ELF2: variants seen among roughly 807,000 people sequenced by gnomAD.
The protein encoded by ELF2 is ETS-related transcription factor Elf-2.
In ELF2, 11 loss-of-function variants were observed where a neutral mutation model predicts 54.8. The observed-to-expected ratio is 0.20, with a 90% CI of 0.13 to 0.33. ELF2 has a LOEUF of 0.33. Ranked by LOEUF, ELF2 falls within the 10% of genes least tolerant of loss-of-function variation. The pLI, the probability that ELF2 is intolerant of heterozygous loss-of-function variation, is 1.00. For missense variants in ELF2, 513 were observed against 703.0 expected (o/e 0.73, Z 3.06); for synonymous variants, 203 against 245.1 (o/e 0.83, Z 1.61).
chr4:139,100,314 G>C (rs1386449889), intron 4 of ELF2: 1 of 151,562 alleles, frequency 6.6e-6, no homozygotes, highest in Non-Finnish European at 1.5e-5. Context: ...TATTGTTATT[G>C]TTTCTAGATG....
intron 1 of ELF2, among the ~76,000 whole-genome samples, chr4:139,149,708 A>G (rs1048544326): frequency 2.0e-5 from 3 of 152,364 alleles, no homozygotes; most frequent in African/African-American, 7.2e-5. Flanking sequence ...GAAAGGGTGT[A>G]TATGATTTTT....
At chr4:139,135,955 T>C (rs1237331536) in intron 3 of ELF2, among the ~76,000 whole-genome samples, 2 of 152,236 alleles carry the variant, frequency 1.3e-5, no homozygotes, top group African/African-American at 4.8e-5. Context: ...AAACAAACTG[T>C]TGTCCTCATT....
intron 4 of ELF2, chr4:139,084,211 T>C (rs768430541): frequency 1.2e-6 from 2 of 1,612,892 alleles, no homozygotes; most frequent in Admixed American, 1.7e-5. Context: ...GGGCTGGAGC[T>C]GCTGCTTCAC....
intron 4 of ELF2, chr4:139,084,325 C>G: frequency 1.3e-6 from 2 of 1,563,084 alleles, no homozygotes; most frequent in Non-Finnish European, 1.7e-6. Context: ...GCACACACTC[C>G]GACGCCCGGA....
At chr4:139,143,199 T>G (rs1381192700) in intron 1 of ELF2, among the ~76,000 whole-genome samples, 1 of 152,138 alleles carries the variant, frequency 6.6e-6, no homozygotes, top group Non-Finnish European at 1.5e-5. Flanking sequence ...ATCCCCCAAC[T>G]CGAGGGTAGA....
At chr4:139,136,968 A>G (rs1173710486) in intron 3 of ELF2, 2 of 152,150 alleles carry the variant, frequency 1.3e-5, no homozygotes, top group Admixed American at 1.3e-4. Context: ...ACTGGCCCCA[A>G]TATTCACTCT....
intron 4 of ELF2, among the ~76,000 whole-genome samples, chr4:139,077,674 G>C (rs1292563701): frequency 3.3e-5 from 5 of 151,960 alleles, no homozygotes; most frequent in Admixed American, 6.6e-5. Flanking sequence ...ATACTATTTT[G>C]TTCAGATCAA....
At chr4:139,130,939 T>C (rs897673115) in intron 3 of ELF2, among the ~76,000 whole-genome samples, 3 of 152,184 alleles carry the variant, frequency 2.0e-5, no homozygotes, top group Non-Finnish European at 2.9e-5. Flanking sequence ...CAGATAATTA[T>C]TGCCTTGTAC....
chr4:139,151,032 A>AAAAAG lies in ELF2; in HGVS notation c.-251-11536_-251-11535insCTTTT, dbSNP rs1301387000. Among the ~76,000 whole-genome samples, 726 of 102,494 alleles carry AAAAAG rather than the reference A, an allele frequency of 7.1e-3. 12 individuals carry two copies. The highest frequency in any genetic ancestry group is 0.032 in the East Asian group (130 of 4,028). 67.2% of individuals were successfully genotyped at this position (102,494 alleles called of 152,430 possible). A position where few individuals can be genotyped will look rare whatever the true frequency, so the allele number is the denominator to read the frequency against. On this transcript the variant is annotated intron_variant, in intron 1 of 9. Transcript: ENST00000686138. ...GAACGAGGCTCCATCTCAAAAAAAA[A>AAAAAG]AAAGAAAGAAAGAAAGAAAGAAAGA...
chr4:139,109,568 A>G (rs544534361), intron 4 of ELF2, among the ~76,000 whole-genome samples: 1 of 152,368 alleles, frequency 6.6e-6, no homozygotes, highest in Non-Finnish European at 1.5e-5. Flanking sequence ...ATATTAAAAC[A>G]TCTGAGAAGT....
chr4:139,130,172 C>T (rs1250911076), intron 3 of ELF2, among the ~76,000 whole-genome samples: 1 of 151,842 alleles, frequency 6.6e-6, no homozygotes, highest in Non-Finnish European at 1.5e-5. Context: ...CCTGAGGCTA[C>T]CAGAAGCTAG....
At chr4:139,177,512 TCTC>T (rs1018466661), upstream of ELF2, among the ~76,000 whole-genome samples, 3 of 151,588 alleles carry the variant, frequency 2.0e-5, no homozygotes, top group African/African-American at 7.3e-5. Flanking sequence ...CCCGCCCTCT[TCTC>T]CTCGCCCAAC....
chr4:139,098,220 C>T (rs1733491156), intron 4 of ELF2, among the ~76,000 whole-genome samples: 1 of 152,096 alleles, frequency 6.6e-6, no homozygotes, highest in South Asian at 2.1e-4. Flanking sequence ...TACACTTTGA[C>T]AAAGATGTCC....
intron 7 of ELF2, chr4:139,066,702 C>G (rs1728757858): frequency 6.8e-6 from 1 of 146,560 alleles, no homozygotes; most frequent in South Asian, 2.2e-4. Flanking sequence ...GCCTGGGCAA[C>G]AAAGCACAAG....
intron 4 of ELF2, among the ~76,000 whole-genome samples, chr4:139,095,522 A>AATCC (rs1261959891): frequency 6.6e-6 from 1 of 152,154 alleles, no homozygotes; most frequent in Non-Finnish European, 1.5e-5. Flanking sequence ...ATCAGGTTCC[A>AATCC]ATCCAGATTA....
At chr4:139,072,093 T>C in intron 5 of ELF2, 54 bp from the exon 6 acceptor site, 6 of 1,554,502 alleles carry the variant, frequency 3.9e-6, no homozygotes, top group Middle Eastern at 3.4e-4. Flanking sequence ...ATGTTTCTTA[T>C]GTGGACAGTT....
At chr4:139,159,219 G>T (rs1041012327) in intron 1 of ELF2, among the ~76,000 whole-genome samples, 2 of 152,156 alleles carry the variant, frequency 1.3e-5, no homozygotes, top group African/African-American at 4.8e-5. Flanking sequence ...GTAGGGAAGG[G>T]AAGGGGCCTA....
rs998585679 is a variant in ELF2, at chr4:139,057,413, T to C, written c.*1570A>G. The C allele has an allele frequency of 5.3e-5, 8 of 152,186 alleles. No individual in the cohort carries two copies. The highest frequency in any genetic ancestry group is 5.2e-4 in the Admixed American group (8 of 15,272). 9.4% of individuals were successfully genotyped at this position (152,186 alleles called of 1,614,324 possible). On this transcript the variant is annotated 3_prime_UTR_variant, in exon 10 of 10. Coordinates refer to ENST00000686138, the MANE Select transcript of ELF2 (RefSeq NM_001331036.3). ...TGAGTTCATCTACATTTCTAAAACA[T>C]GTAAAAATAGATAACTTTTCTTTGT...
intron 4 of ELF2, among the ~76,000 whole-genome samples, chr4:139,102,684 T>TA (rs199611239): frequency 0.22 from 31,423 of 143,586 alleles, 4,272 homozygotes; most frequent in East Asian, 0.5. Flanking sequence ...CTACTAAAAA[T>TA]AAAAAAATTA....
Sources: gnomAD v4.1 joint callset for allele counts (sites outside exome capture counted in the v4.1 genomes callset) on GRCh38, gnomAD v4.1.1 for gene constraint, MANE v1.5 for transcripts, NCBI Gene and HGNC (gene_info 2026-07-23, HGNC 2026-07-21) for gene names.